Variants in AGBL1 observed in about 807,000 individuals in gnomAD.
AGBL1 encodes AGBL carboxypeptidase 1, also known as cytosolic carboxypeptidase 4.
In AGBL1, 130 loss-of-function variants were observed where a neutral mutation model predicts 118.9. The observed-to-expected ratio is 1.09, with a 90% confidence interval of 0.95 to 1.26. The LOEUF (loss-of-function observed/expected upper bound fraction) is 1.26. Among genes scored for constraint, AGBL1 ranks in the 50% most tolerant of loss-of-function variants. The pLI is 0.00. For synonymous variants in AGBL1, 555 were observed against 478.9 expected, an observed-to-expected ratio of 1.16 and a Z score of -2.08; for missense variants, 1,584 against 1,298.1, an observed-to-expected ratio of 1.22 and a Z score of -3.38.
chr15:86,101,598 C>T (rs1000482906), intron 1 of AGBL1, among the ~76,000 whole-genome samples: 2 of 148,878 alleles, frequency 1.3e-5, no homozygotes, highest in African/African-American at 4.9e-5. Context: ...TCTTGTTCAA[C>T]TAATTCCTTT....
At chr15:86,471,366 G>C (rs577801441) in intron 18 of AGBL1, among the ~76,000 whole-genome samples, 1 of 152,198 alleles carries the variant, frequency 6.6e-6, no homozygotes, top group Non-Finnish European at 1.5e-5. Flanking sequence ...TGTATATGAT[G>C]AACCATCTTT....
intron 22 of AGBL1, among the ~76,000 whole-genome samples, chr15:86,741,631 T>C (rs984454263): frequency 9.9e-5 from 15 of 152,002 alleles, no homozygotes; most frequent in Non-Finnish European, 1.9e-4. Context: ...CAAACAGCAA[T>C]GAGAAAGGAA....
At chr15:86,372,491 T>C (rs2080984996) in intron 17 of AGBL1, among the ~76,000 whole-genome samples, 1 of 152,268 alleles carries the variant, frequency 6.6e-6, no homozygotes, top group African/African-American at 2.4e-5. Flanking sequence ...GAGTGTCTTA[T>C]CTGTCTTCCT....
chr15:86,557,289 G>C (rs570026038), intron 21 of AGBL1, among the ~76,000 whole-genome samples: 1 of 152,138 alleles, frequency 6.6e-6, no homozygotes, highest in African/African-American at 2.4e-5. Context: ...GAGGCATCCC[G>C]TCCATGTGGA....
intron 18 of AGBL1, among the ~76,000 whole-genome samples, chr15:86,453,282 T>C (rs927386033): frequency 6.6e-6 from 1 of 152,236 alleles, no homozygotes. Context: ...TGAATATAGA[T>C]AGCTATTCCC....
chr15:86,380,430 G>A (rs144998159), intron 17 of AGBL1, among the ~76,000 whole-genome samples: 6,379 of 150,712 alleles, frequency 0.042, 170 homozygotes, highest in East Asian at 0.068. Flanking sequence ...GATTACAGGC[G>A]TGCGCCACCT....
chr15:86,151,268 T>G (rs62012450), intron 3 of AGBL1, among the ~76,000 whole-genome samples: 5,645 of 150,760 alleles, frequency 0.037, 157 homozygotes, highest in Middle Eastern at 0.09. Context: ...AGCTGCACAT[T>G]GTGCACAAGT....
At chr15:86,889,034 A>G (rs1421686805) in intron 22 of AGBL1, among the ~76,000 whole-genome samples, 1 of 152,154 alleles carries the variant, frequency 6.6e-6, no homozygotes, top group Non-Finnish European at 1.5e-5. Flanking sequence ...CAGAAAATAA[A>G]TGCATATTAT....
intron 22 of AGBL1, among the ~76,000 whole-genome samples, chr15:86,891,674 A>C (rs548518055): frequency 1.6e-4 from 25 of 152,074 alleles, no homozygotes; most frequent in African/African-American, 6.0e-4. Flanking sequence ...GTAAAGTGAA[A>C]AACTGGGTTG....
At chr15:86,502,852 A>G (rs933462740) in intron 18 of AGBL1, among the ~76,000 whole-genome samples, 1 of 151,400 alleles carries the variant, frequency 6.6e-6, no homozygotes, top group South Asian at 2.1e-4. Flanking sequence ...TTGGGCTTAT[A>G]TTTATCAGGG....
intron 23 of AGBL1, among the ~76,000 whole-genome samples, chr15:86,975,741 C>G (rs781332216): frequency 5.3e-5 from 8 of 152,142 alleles, no homozygotes; most frequent in Non-Finnish European, 1.0e-4. Context: ...CTCAACCTGT[C>G]TTTCAGCTTA....
At position 86,817,575 on chromosome 15, in the gene AGBL1, G is replaced by GACACACAC. The variant is rs61414348; in HGVS notation, c.3159-89500_3159-89493dup. On this transcript the variant is annotated intron_variant, in intron 22 of 22. Transcript: ENST00000614907. ...CACAGAGGAGAGAGAGAAAGAGACA[G>GACACACAC]ACACACACACACACACACAGAGGAG... 2.0e-3 allele frequency among the ~76,000 whole-genome samples: 264 copies of GACACACAC among 130,770 alleles called. 5 individuals carry two copies. Among genetic ancestry groups the GACACACAC allele is most frequent in the African/African-American group, 7.5e-3 (252 of 33,530 alleles). The allele number at this position is 130,770 out of a possible 152,430, so 85.8% of individuals were successfully genotyped here.
intron 5 of AGBL1, among the ~76,000 whole-genome samples, chr15:86,160,097 TG>T (rs200818681): frequency 7.7e-6 from 1 of 129,342 alleles, no homozygotes; most frequent in South Asian, 2.5e-4. Context: ...CAGGGAACTG[TG>T]GTTTTTTTTT....
In AGBL1 at chr15:86,677,029, C is replaced by CA. The variant is rs200243797; in HGVS notation, c.3158+2601dup. 3.1e-3 allele frequency among the ~76,000 whole-genome samples: 477 copies of CA among 151,774 alleles called. 8 individuals carry two copies. The East Asian group carries it at 0.037, about 12-fold the overall frequency. ...AGACTCTGTCTCAAACAAACAACAA[C>CA]AAAAAAAATGCAAGGATGTGGTACT... On this transcript the variant is annotated intron_variant, in intron 22 of 22. Transcript: ENST00000614907.
chr15:86,578,428 G>A (rs577773774), intron 21 of AGBL1, among the ~76,000 whole-genome samples: 11 of 152,266 alleles, frequency 7.2e-5, no homozygotes, highest in Middle Eastern at 6.8e-3. Flanking sequence ...GAAGGGACTT[G>A]CCTTGTCTCA....
rs372741058 is a variant in AGBL1 at position 86,324,691 on chromosome 15, A to G, written c.2374+29283A>G. Among the ~76,000 whole-genome samples the G allele has an allele frequency of 5.7e-4, 87 of 152,294 alleles. 1 individual carries two copies. In the South Asian group the frequency reaches 0.018, roughly 31 times the overall value. ...GTATTCACATAATGTGATAGTAGCC[A>G]TAACAAAAAAAGTGGGTGGTAGTAA... On this transcript the variant is annotated intron_variant, in intron 17 of 22. Transcript: ENST00000614907.
intron 22 of AGBL1, among the ~76,000 whole-genome samples, chr15:86,879,501 C>T (rs1435227633): frequency 2.6e-5 from 4 of 152,138 alleles, no homozygotes; most frequent in African/African-American, 9.7e-5. Flanking sequence ...TGAGACATTT[C>T]CCCCTCCCAC....
intron 1 of AGBL1, among the ~76,000 whole-genome samples, chr15:86,126,090 A>T (rs1898413597): frequency 6.6e-6 from 1 of 151,840 alleles, no homozygotes; most frequent in South Asian, 2.1e-4. Flanking sequence ...TGAAGACTTG[A>T]TCCATAGTGG....
intron 22 of AGBL1, among the ~76,000 whole-genome samples, chr15:86,891,700 T>G (rs2080054870): frequency 6.6e-6 from 1 of 152,152 alleles, no homozygotes; most frequent in African/African-American, 2.4e-5. Flanking sequence ...AAGCACCTTC[T>G]CTACTCAAGT....
Sources: allele counts gnomAD v4.1 joint callset (sites outside exome capture counted in the v4.1 genomes callset), GRCh38; gene constraint gnomAD v4.1.1; transcripts MANE v1.5; gene names NCBI Gene and HGNC (gene_info 2026-07-23, HGNC 2026-07-21).